TNKS: variants seen among roughly 807,000 people sequenced by gnomAD.
TNKS encodes the protein poly [ADP-ribose] polymerase tankyrase-1.
A neutral mutation model predicts 135.8 loss-of-function variants in TNKS; 72 were observed. The ratio of observed to expected loss-of-function variants is 0.53; its 90% confidence interval spans 0.44 to 0.64. The LOEUF (loss-of-function observed/expected upper bound fraction) is 0.64. Among genes scored for constraint, TNKS ranks in the 30% least tolerant of loss-of-function variants. The pLI is 0.00. For missense variants in TNKS, 1,769 were observed against 1,674.0 expected, an observed-to-expected ratio of 1.06 and a Z score of -0.99; for synonymous variants, 849 against 649.3, an observed-to-expected ratio of 1.31 and a Z score of -4.68.
intron 17 of TNKS, among the ~76,000 whole-genome samples, chr8:9,739,091 A>G (rs1805795041): frequency 6.8e-6 from 1 of 146,978 alleles, no homozygotes; most frequent in South Asian, 2.2e-4. Flanking sequence ...GCACAGCAAA[A>G]GAAACTACCA....
chr8:9,556,837 T>G (rs749357826), intron 1 of TNKS: 10 of 589,012 alleles, frequency 1.7e-5, no homozygotes, highest in Admixed American at 3.0e-5. Flanking sequence ...GGTTGCACAG[T>G]ACTCATTACA....
chr8:9,749,222 G>A (rs1285380216), intron 18 of TNKS, among the ~76,000 whole-genome samples: 1 of 152,194 alleles, frequency 6.6e-6, no homozygotes, highest in African/African-American at 2.4e-5. Context: ...ATCAGCCACA[G>A]TCTTCCCTGT....
intron 17 of TNKS, among the ~76,000 whole-genome samples, chr8:9,739,045 T>C (rs529402688): frequency 3.7e-4 from 56 of 151,116 alleles, no homozygotes; most frequent in Non-Finnish European, 6.2e-4. Flanking sequence ...AAAGACAAAA[T>C]TGACAAATGG....
chr8:9,753,543 A>G (rs1193439856), intron 20 of TNKS, among the ~76,000 whole-genome samples: 2 of 152,226 alleles, frequency 1.3e-5, no homozygotes, highest in Admixed American at 1.3e-4. Context: ...GTTTTCATAC[A>G]GGATAAGGAG....
At chr8:9,758,908 C>G (rs1806994244) in intron 20 of TNKS, among the ~76,000 whole-genome samples, 1 of 152,218 alleles carries the variant, frequency 6.6e-6, no homozygotes, top group South Asian at 2.1e-4. Flanking sequence ...GGCTACAGAG[C>G]ATTAGCCAGG....
At chr8:9,563,655 T>C (rs891203187) in intron 1 of TNKS, among the ~76,000 whole-genome samples, 8 of 152,216 alleles carry the variant, frequency 5.3e-5, no homozygotes, top group Non-Finnish European at 1.0e-4. Flanking sequence ...TTTTGAATTA[T>C]TTTCTGAACT....
intron 20 of TNKS, among the ~76,000 whole-genome samples, 176 bp downstream of exon 20, chr8:9,752,802 A>AT (rs1466931617): frequency 6.6e-6 from 1 of 151,948 alleles, no homozygotes; most frequent in Non-Finnish European, 1.5e-5. Context: ...CAAAAAAAAA[A>AT]GTTTTTAAGT....
At chr8:9,769,711 C>T (rs1455105439) in intron 25 of TNKS, among the ~76,000 whole-genome samples, 1 of 150,948 alleles carries the variant, frequency 6.6e-6, no homozygotes, top group Non-Finnish European at 1.5e-5. Context: ...GCTCCACCTC[C>T]CGTGTTCGTG....
intron 11 of TNKS, among the ~76,000 whole-genome samples, chr8:9,712,639 C>T (rs1804394880): frequency 6.6e-6 from 1 of 152,012 alleles, no homozygotes; most frequent in Admixed American, 6.6e-5. Context: ...GCCTTAATCC[C>T]AGCACTTTGG....
chr8:9,700,377 A>G (rs1249497586), intron 5 of TNKS, among the ~76,000 whole-genome samples: 1 of 152,122 alleles, frequency 6.6e-6, no homozygotes, highest in East Asian at 1.9e-4. Context: ...TTTCATTGCT[A>G]TCCCTAGCAC....
rs1035688927 is a variant in TNKS, at chr8:9,751,665, C to G, written c.2889C>G (p.Thr963=). ...CCATGCCCCCAGAGGCCTTACCTAC[C>G]TGTTTTAAACCTCAGGCTACTGTAG... ...IDAMPPEALP[T]CFKPQATVVS... is the part of the protein sequence containing the mutation. The change falls in exon 19 of 27, where the codon ACC becomes ACG. Residue 963 remains threonine, a synonymous_variant. Coordinates refer to ENST00000310430, the MANE Select transcript of TNKS (RefSeq NM_003747.3). 3 of 1,614,042 alleles carry G rather than the reference C, an allele frequency of 1.9e-6. No homozygotes were observed. The highest frequency in any genetic ancestry group is 2.5e-6 in the Non-Finnish European group (3 of 1,180,048).
In TNKS at chr8:9,735,022, C is replaced by T; in HGVS notation, c.2471C>T (p.Thr824Ile). 6.2e-7 allele frequency: 1 copy of T among 1,614,148 alleles called. No individual in the cohort carries two copies. Among genetic ancestry groups the T allele is most frequent in the Non-Finnish European group, 8.5e-7 (1 of 1,180,034 alleles). Residue 824 changes from threonine to isoleucine, a missense_variant, in exon 16 of 27, where the codon ACC becomes ATC. Transcript: ENST00000310430. ...CTGGCAAGAGTGCAGAAGCTCTGTA[C>T]CCCAGAGAATATCAACTGCAGAGAC... ...GCLARVQKLCTPENINCRDTQ... is the reference protein window; with the variant it reads ...GCLARVQKLCIPENINCRDTQ...
intron 3 of TNKS, among the ~76,000 whole-genome samples, chr8:9,666,927 A>G (rs1321167540): frequency 6.6e-6 from 1 of 152,134 alleles, no homozygotes; most frequent in Non-Finnish European, 1.5e-5. Flanking sequence ...TATGTAATAT[A>G]TTTCATAAAG....
chr8:9,720,910 G>C (rs1470688689), intron 12 of TNKS, among the ~76,000 whole-genome samples: 2 of 152,104 alleles, frequency 1.3e-5, no homozygotes, highest in African/African-American at 4.8e-5. Context: ...GTTCCTACCT[G>C]TGTAAAATTC....
intron 2 of TNKS, among the ~76,000 whole-genome samples, chr8:9,592,705 A>T (rs1226983935): frequency 6.6e-6 from 1 of 152,226 alleles, no homozygotes; most frequent in African/African-American, 2.4e-5. Flanking sequence ...ACGTGTGTGA[A>T]GTGACAAAGC....
chr8:9,759,550 A>G (rs1158909549), intron 20 of TNKS, among the ~76,000 whole-genome samples: 1 of 152,148 alleles, frequency 6.6e-6, no homozygotes, highest in Non-Finnish European at 1.5e-5. Flanking sequence ...TCATTTTATG[A>G]TTAGAGCTAT....
At chr8:9,594,401 T>A (rs1798697193) in intron 2 of TNKS, among the ~76,000 whole-genome samples, 1 of 152,174 alleles carries the variant, frequency 6.6e-6, no homozygotes, top group Admixed American at 6.5e-5. Flanking sequence ...AAATTAAAAA[T>A]TTAGTTTCTC....
At chr8:9,636,712 A>T (rs1192191609) in intron 3 of TNKS, among the ~76,000 whole-genome samples, 1 of 152,210 alleles carries the variant, frequency 6.6e-6, no homozygotes, top group East Asian at 1.9e-4. Context: ...CCATAAGATG[A>T]CAATAGATTC....
At chr8:9,613,860 C>A (rs1452725894) in intron 2 of TNKS, among the ~76,000 whole-genome samples, 1 of 152,198 alleles carries the variant, frequency 6.6e-6, no homozygotes, top group Admixed American at 6.5e-5. Context: ...TATTTTACTT[C>A]TAGCACTCAT....
Sources: allele counts gnomAD v4.1 joint callset (sites outside exome capture counted in the v4.1 genomes callset), GRCh38; gene constraint gnomAD v4.1.1; transcripts MANE v1.5; gene names NCBI Gene and HGNC (gene_info 2026-07-23, HGNC 2026-07-21).